The following IL1RAPL1 variants were observed in gnomAD, a reference collection of about 807,000 sequenced individuals.
IL1RAPL1 encodes interleukin-1 receptor accessory protein-like 1.
IL1RAPL1 carries 3 observed loss-of-function variants against 48.4 expected under a neutral mutation model. The ratio of observed to expected loss-of-function variants is 0.06; its 90% CI spans 0.03 to 0.16. The LOEUF (loss-of-function observed/expected upper bound fraction) is 0.16. IL1RAPL1 is among the 10% of genes least tolerant of loss of function. The probability of loss-of-function intolerance (pLI) is 1.00; values close to 1 mark genes in which losing one functional copy is unlikely to be tolerated. For synonymous variants in IL1RAPL1, 185 were observed against 187.7 expected (o/e 0.99, Z 0.12); for missense variants, 349 against 530.6 (o/e 0.66, Z 3.36).
chrX:28,713,754 C>T (rs779546488), intron 1 of IL1RAPL1, among the ~76,000 whole-genome samples: 6 of 111,489 alleles, frequency 5.4e-5, no homozygotes, highest in Non-Finnish European at 9.4e-5. Flanking sequence ...GGACAATTGA[C>T]ATATAAAAGA....
chrX:28,903,760 G>A (rs866727577), intron 2 of IL1RAPL1, among the ~76,000 whole-genome samples: 7 of 110,290 alleles, frequency 6.3e-5, no homozygotes, highest in South Asian at 7.6e-4. Context: ...TTTATTATGC[G>A]CTACCTATAT....
At chrX:29,344,131 A>G (rs1421116628) in intron 3 of IL1RAPL1, among the ~76,000 whole-genome samples, 1 of 112,278 alleles carries the variant, frequency 8.9e-6, no homozygotes, top group East Asian at 2.8e-4. Context: ...TTGTTTCCAA[A>G]TGCAAGTTGT....
chrX:29,341,883 G>A (rs1442716479), intron 3 of IL1RAPL1, among the ~76,000 whole-genome samples: 2 of 110,581 alleles, frequency 1.8e-5, no homozygotes, highest in East Asian at 2.8e-4. Flanking sequence ...CTCGGCTCAC[G>A]GCAACCTCTG....
rs140827802 is a variant in IL1RAPL1, at chrX:29,678,342, C to CTTTTTTTT, written c.778+9862_778+9869dup. ...TTCACCACACACAAGTTCAACACTACTTTTTTTTTTTTTTTTTTTTTTTTT... is the reference window on the plus strand; with the variant it reads ...TTCACCACACACAAGTTCAACACTACTTTTTTTTTTTTTTTTTTTTTTTTTTTTTTTTT... On this transcript the variant is annotated intron_variant, in intron 6 of 10. Coordinates refer to ENST00000378993, the MANE Select transcript of IL1RAPL1 (RefSeq NM_014271.4). 4.8e-5 allele frequency among the ~76,000 whole-genome samples: 2 copies of CTTTTTTTT among 41,708 alleles called. 1 individual carries two copies. Among genetic ancestry groups the CTTTTTTTT allele is most frequent in the Admixed American group, 6.1e-4 (2 of 3,293 alleles). 36.2% of individuals were successfully genotyped at this position (41,708 alleles called of 115,157 possible). A position where few individuals can be genotyped will look rare whatever the true frequency, so the allele number is the denominator to read the frequency against.
At chrX:29,367,552 T>TTTTTTTTA (rs1556000090) in intron 3 of IL1RAPL1, among the ~76,000 whole-genome samples, 9 of 98,524 alleles carry the variant, frequency 9.1e-5, no homozygotes, top group South Asian at 5.0e-4. Flanking sequence ...TTCTATTTAT[T>TTTTTTTTA]TTTATTTATT....
chrX:28,767,822 A>T (rs185928211), intron 1 of IL1RAPL1, among the ~76,000 whole-genome samples: 92 of 111,001 alleles, frequency 8.3e-4, no homozygotes, highest in African/African-American at 2.9e-3. Context: ...TACAACTCTG[A>T]AATTATCTAA....
intron 2 of IL1RAPL1, among the ~76,000 whole-genome samples, chrX:28,902,028 C>T (rs1244451988): frequency 9.0e-6 from 1 of 111,580 alleles, no homozygotes; most frequent in Non-Finnish European, 1.9e-5. Flanking sequence ...TAGATTATAC[C>T]ATGACATGCA....
chrX:28,927,570 A>C (rs1923777742), intron 2 of IL1RAPL1, among the ~76,000 whole-genome samples: 1 of 109,982 alleles, frequency 9.1e-6, no homozygotes, highest in Non-Finnish European at 1.9e-5. Context: ...TTAGTTCATC[A>C]GGGCTTCCCT....
intron 5 of IL1RAPL1, among the ~76,000 whole-genome samples, chrX:29,606,914 G>A (rs1207062826): frequency 8.9e-6 from 1 of 111,794 alleles, no homozygotes; most frequent in Non-Finnish European, 1.9e-5. Context: ...GAAGCAGGAT[G>A]TGACCTATAA....
intron 2 of IL1RAPL1, among the ~76,000 whole-genome samples, chrX:28,878,371 A>C (rs1922425077): frequency 9.0e-6 from 1 of 111,396 alleles, no homozygotes; most frequent in South Asian, 3.8e-4. Context: ...TGACGGCATG[A>C]TCATACAGTT....
chrX:28,740,096 G>A (rs749646669), intron 1 of IL1RAPL1, among the ~76,000 whole-genome samples: 1 of 110,780 alleles, frequency 9.0e-6, no homozygotes, highest in African/African-American at 3.3e-5. Flanking sequence ...CATTAATATC[G>A]TAGAAATCTT....
intron 6 of IL1RAPL1, among the ~76,000 whole-genome samples, chrX:29,716,783 T>C (rs377256789): frequency 5.4e-5 from 6 of 111,911 alleles, no homozygotes; most frequent in Middle Eastern, 4.6e-3. Context: ...TCAGGGTCAC[T>C]TAAAAATGAA....
chrX:28,919,356 A>T (rs1157853789), intron 2 of IL1RAPL1, among the ~76,000 whole-genome samples: 1 of 112,417 alleles, frequency 8.9e-6, no homozygotes, highest in Non-Finnish European at 1.9e-5. Flanking sequence ...GTGCAATTAA[A>T]GACATTTATC....
chrX:28,836,336 T>TTATATATATATATATATATATATA (rs34343530), intron 2 of IL1RAPL1, among the ~76,000 whole-genome samples: 13 of 85,301 alleles, frequency 1.5e-4, no homozygotes, highest in African/African-American at 5.2e-4. Context: ...CTTCCCAATT[T>TTATATATATATATATATATATATA]TATATATATA....
chrX:29,741,767 A>G (rs1332735953), intron 6 of IL1RAPL1, among the ~76,000 whole-genome samples: 1 of 107,891 alleles, frequency 9.3e-6, no homozygotes, highest in African/African-American at 3.4e-5. Context: ...CTAAAAATAC[A>G]AAAATTAGCC....
intron 1 of IL1RAPL1, among the ~76,000 whole-genome samples, chrX:28,778,560 A>C (rs893445430): frequency 8.9e-6 from 1 of 112,102 alleles, no homozygotes; most frequent in African/African-American, 3.2e-5. Flanking sequence ...CGAAAGGCGT[A>C]AGAAAGGTGA....
chrX:29,892,518 CTT>C (rs1932291693), intron 6 of IL1RAPL1, among the ~76,000 whole-genome samples: 1 of 112,428 alleles, frequency 8.9e-6, no homozygotes, highest in African/African-American at 3.2e-5. Flanking sequence ...GTATAATAAA[CTT>C]GAATAAATGG....
intron 2 of IL1RAPL1, among the ~76,000 whole-genome samples, chrX:28,903,308 T>G (rs1031419828): frequency 2.2e-4 from 24 of 110,631 alleles, no homozygotes; most frequent in Non-Finnish European, 4.4e-4. Context: ...TTAGTAGAGA[T>G]GGGGTTTTGC....
intron 2 of IL1RAPL1, among the ~76,000 whole-genome samples, chrX:28,804,139 G>A (rs140526591): frequency 9.0e-6 from 1 of 111,094 alleles, no homozygotes; most frequent in Non-Finnish European, 1.9e-5. Context: ...TATCTGTCAT[G>A]TCTTTGGAAC....
Sources: allele counts gnomAD v4.1 joint callset (sites outside exome capture counted in the v4.1 genomes callset), GRCh38; gene constraint gnomAD v4.1.1; transcripts MANE v1.5; gene names NCBI Gene and HGNC (gene_info 2026-07-23, HGNC 2026-07-21).